The following CCDC73 variants were observed in gnomAD, a reference collection of about 807,000 sequenced individuals.
The protein encoded by CCDC73 is coiled-coil domain-containing protein 73.
Under a neutral mutation model 116.5 loss-of-function variants are expected in CCDC73, and 95 were observed. The ratio of observed to expected loss-of-function variants is 0.82; its 90% CI spans 0.69 to 0.97. The LOEUF is 0.97. Ranked by LOEUF, CCDC73 falls within the 50% of genes least tolerant of loss-of-function variation. The pLI, the probability that CCDC73 is intolerant of heterozygous loss-of-function variation, is 0.00. For missense variants in CCDC73, 1,066 were observed against 1,206.8 expected, an observed-to-expected ratio of 0.88 and a Z score of 1.73; for synonymous variants, 398 against 401.3, an observed-to-expected ratio of 0.99 and a Z score of 0.10.
At chr11:32,693,499 C>A (rs1365444226) in intron 6 of CCDC73, among the ~76,000 whole-genome samples, 30 of 152,066 alleles carry the variant, frequency 2.0e-4, no homozygotes, top group Non-Finnish European at 3.1e-4. Context: ...AGAAAGTCAG[C>A]CATATGAAGG....
At chr11:32,630,035 TGTG>T (rs1433241563) in intron 14 of CCDC73, among the ~76,000 whole-genome samples, 1 of 150,422 alleles carries the variant, frequency 6.6e-6, no homozygotes, top group South Asian at 2.1e-4. Flanking sequence ...AAGTGGTAAA[TGTG>T]GTGGTGAATA....
At chr11:32,663,967 T>C (rs899919152) in intron 9 of CCDC73, among the ~76,000 whole-genome samples, 2 of 152,224 alleles carry the variant, frequency 1.3e-5, no homozygotes, top group Admixed American at 1.3e-4. Flanking sequence ...GTTCTGTTTA[T>C]ATGCTGGATT....
chr11:32,772,840 C>T (rs1366357926), intron 1 of CCDC73, among the ~76,000 whole-genome samples: 1 of 152,158 alleles, frequency 6.6e-6, no homozygotes, highest in East Asian at 1.9e-4. Flanking sequence ...TTGGAACCTT[C>T]ATAAACTGCT....
intron 4 of CCDC73, 108 bp from the exon 5 acceptor site, chr11:32,700,934 G>A (rs1822649867): frequency 2.3e-6 from 1 of 426,658 alleles, no homozygotes; most frequent in Non-Finnish European, 4.3e-6. Flanking sequence ...GTTTGAAATG[G>A]AAATAATGTG....
chr11:32,632,127 T>C (rs1430426840), intron 14 of CCDC73, among the ~76,000 whole-genome samples: 1 of 152,234 alleles, frequency 6.6e-6, no homozygotes, highest in Non-Finnish European at 1.5e-5. Context: ...TTAAATGTAC[T>C]AAGACTTATT....
rs961949604 is a variant in CCDC73, at chr11:32,666,615, T to C, written c.645+8950A>G. On this transcript the variant is annotated intron_variant, in intron 9 of 17. Coordinates refer to ENST00000335185, the MANE Select transcript of CCDC73 (RefSeq NM_001008391.4). ...TGCGATGGGTTCGACCTTCCTCCTT[T>C]AGCTCGGAGAAGTTTGATTGTCTGA... Among the ~76,000 whole-genome samples the C allele has an allele frequency of 2.6e-5, 4 of 152,240 alleles. No individual in the cohort carries two copies. The South Asian group carries it at 8.3e-4, about 31-fold the overall frequency.
intron 2 of CCDC73, among the ~76,000 whole-genome samples, chr11:32,719,181 T>C (rs1193368787): frequency 2.0e-5 from 3 of 152,206 alleles, no homozygotes; most frequent in Non-Finnish European, 4.4e-5. Flanking sequence ...TTTGAAATAA[T>C]GTAATACTCC....
chr11:32,633,692 C>T (rs1207765792), intron 14 of CCDC73, among the ~76,000 whole-genome samples: 1 of 152,120 alleles, frequency 6.6e-6, no homozygotes, highest in Non-Finnish European at 1.5e-5. Flanking sequence ...TGCTGTCTAC[C>T]AGGGAAGCTC....
chr11:32,618,461 G>A (rs115964085), intron 14 of CCDC73, among the ~76,000 whole-genome samples: 2,572 of 152,216 alleles, frequency 0.017, 76 homozygotes, highest in African/African-American at 0.057. Context: ...TTCCACAGTG[G>A]CTGAACTAAT....
At chr11:32,796,905 C>T (rs1477471904), upstream of CCDC73, among the ~76,000 whole-genome samples, 2 of 150,616 alleles carry the variant, frequency 1.3e-5, no homozygotes, top group Non-Finnish European at 3.0e-5. Flanking sequence ...CCAGCTGCTC[C>T]GGACGCTGAG....
intron 7 of CCDC73, among the ~76,000 whole-genome samples, chr11:32,677,773 G>A (rs1197181069): frequency 1.3e-5 from 2 of 151,670 alleles, no homozygotes. Context: ...CCAACATGGT[G>A]AAACCCCGTC....
the CCDC73 span, among the ~76,000 whole-genome samples, chr11:32,805,794 C>G: frequency 1.3e-5 from 2 of 152,132 alleles, no homozygotes; most frequent in African/African-American, 2.4e-5. Context: ...GCCTTTCCCC[C>G]CTGCTCCTGA....
intron 6 of CCDC73, among the ~76,000 whole-genome samples, chr11:32,695,527 G>GT (rs1179683574): frequency 6.6e-6 from 1 of 152,202 alleles, no homozygotes; most frequent in East Asian, 1.9e-4. Context: ...AGGCTTTGCA[G>GT]TTTCACTTGT....
intron 3 of CCDC73, among the ~76,000 whole-genome samples, chr11:32,717,588 C>A (rs1489176458): frequency 6.6e-6 from 1 of 152,104 alleles, no homozygotes; most frequent in Non-Finnish European, 1.5e-5. Flanking sequence ...TTAAAATAAT[C>A]CACTAACACC....
intron 15 of CCDC73, among the ~76,000 whole-genome samples, chr11:32,615,415 A>G (rs1021797488): frequency 6.6e-6 from 1 of 152,148 alleles, no homozygotes; most frequent in Admixed American, 6.6e-5. Flanking sequence ...CATCACTTTT[A>G]TTCATTACCC....
chr11:32,780,327 T>C (rs1011104202), intron 1 of CCDC73, among the ~76,000 whole-genome samples: 7 of 151,702 alleles, frequency 4.6e-5, no homozygotes, highest in Admixed American at 1.3e-4. Flanking sequence ...CCTATAAAAT[T>C]AGCCGAAGTT....
chr11:32,690,066 G>A (rs1856240396), intron 6 of CCDC73, among the ~76,000 whole-genome samples: 1 of 152,092 alleles, frequency 6.6e-6, no homozygotes, highest in South Asian at 2.1e-4. Context: ...ATAAAGACAT[G>A]GAGGATAAAT....
At chr11:32,802,925 C>CTT in the CCDC73 span, among the ~76,000 whole-genome samples, 1 of 138,576 alleles carries the variant, frequency 7.2e-6, no homozygotes. Context: ...GCTAATTTTT[C>CTT]TTTTTTTTTT....
intron 9 of CCDC73, 141 bp downstream of exon 9, chr11:32,675,424 T>C (rs1417170777): frequency 1.8e-6 from 1 of 542,668 alleles, no homozygotes; most frequent in Admixed American, 3.7e-5. Context: ...ACTGGAATCA[T>C]AACTCAAAAT....
Sources: gnomAD v4.1 joint callset for allele counts (sites outside exome capture counted in the v4.1 genomes callset) on GRCh38, gnomAD v4.1.1 for gene constraint, MANE v1.5 for transcripts, NCBI Gene and HGNC (gene_info 2026-07-23, HGNC 2026-07-21) for gene names.